ACOXL: variants seen among roughly 807,000 people sequenced by gnomAD.
ACOXL encodes the protein acyl-CoA oxidase like.
ACOXL carries 70 observed loss-of-function variants against 71.9 expected under a neutral mutation model. The ratio of observed to expected loss-of-function variants is 0.97; its 90% CI spans 0.80 to 1.19. ACOXL has a LOEUF of 1.19. ACOXL is among the 50% of genes most tolerant of loss of function. The pLI is 0.00. For missense variants in ACOXL, 703 were observed against 736.3 expected, an observed-to-expected ratio of 0.95 and a Z score of 0.52; for synonymous variants, 253 against 281.6, an observed-to-expected ratio of 0.90 and a Z score of 1.02.
chr2:110,780,860 C>T (rs998786007), intron 2 of ACOXL, among the ~76,000 whole-genome samples: 2 of 151,866 alleles, frequency 1.3e-5, no homozygotes, highest in East Asian at 1.9e-4. Context: ...ATGGTGAGAC[C>T]CTAGTTTCCA....
chr2:110,763,914 A>G (rs895079765), intron 1 of ACOXL, among the ~76,000 whole-genome samples: 5 of 152,226 alleles, frequency 3.3e-5, no homozygotes, highest in African/African-American at 9.6e-5. Flanking sequence ...CAAAGAAGAT[A>G]TATAGCAGGC....
chr2:110,913,376 G>C (rs1436523826), intron 11 of ACOXL, among the ~76,000 whole-genome samples: 1 of 152,106 alleles, frequency 6.6e-6, no homozygotes, highest in East Asian at 1.9e-4. Flanking sequence ...TTGACAAATG[G>C]GTAAACAAAA....
At chr2:110,926,183 T>G (rs973073907) in intron 11 of ACOXL, among the ~76,000 whole-genome samples, 1 of 152,182 alleles carries the variant, frequency 6.6e-6, no homozygotes, top group African/African-American at 2.4e-5. Context: ...TGAAAAAGTT[T>G]GAAATATTGT....
intron 15 of ACOXL, among the ~76,000 whole-genome samples, chr2:111,041,782 T>G (rs936036094): frequency 1.3e-5 from 2 of 152,178 alleles, no homozygotes; most frequent in Non-Finnish European, 2.9e-5. Flanking sequence ...AGCTGTGCCG[T>G]CATCTCTTCC....
chr2:110,760,329 A>G (rs1285909092), intron 1 of ACOXL, among the ~76,000 whole-genome samples: 1 of 151,958 alleles, frequency 6.6e-6, no homozygotes, highest in Non-Finnish European at 1.5e-5. Context: ...CATTTTTAGT[A>G]GAAACGGGGT....
chr2:110,752,710 G>A (rs1316711074), intron 1 of ACOXL, among the ~76,000 whole-genome samples: 1 of 151,792 alleles, frequency 6.6e-6, no homozygotes, highest in East Asian at 1.9e-4. Context: ...TAAGATACTT[G>A]TCATGTCCGT....
At chr2:110,963,611 C>G (rs1248838642) in intron 12 of ACOXL, 2 of 1,610,008 alleles carry the variant, frequency 1.2e-6, no homozygotes, top group Non-Finnish European at 1.7e-6. Context: ...GTGTTTTTCT[C>G]TTTCTGCAAC....
At chr2:111,048,111 T>C (rs76317014) in intron 15 of ACOXL, among the ~76,000 whole-genome samples, 5 of 152,374 alleles carry the variant, frequency 3.3e-5, no homozygotes, top group East Asian at 3.9e-4. Context: ...GGTCAAATCA[T>C]TGGAATCAGA....
chr2:111,113,439 T>C (rs1207301925), intron 17 of ACOXL, among the ~76,000 whole-genome samples: 1 of 152,194 alleles, frequency 6.6e-6, no homozygotes, highest in East Asian at 1.9e-4. Flanking sequence ...TAAAGTGCCA[T>C]ATGTTGCCAC....
Position 110,876,466 on chromosome 2 carries a change from G to A in ACOXL, c.789-32323G>A, listed in dbSNP as rs75377778. ...TGAGGCCCGTCCCTCTGGGAGGGAG[G>A]GAGCAGGCTGGGCAGACGGGCCAGG... On this transcript the variant is annotated intron_variant, in intron 10 of 17. Transcript: ENST00000439055. 2.6e-3 allele frequency among the ~76,000 whole-genome samples: 394 copies of A among 152,312 alleles called. 15 individuals are homozygous for A. The East Asian group carries it at 0.044, about 17-fold the overall frequency.
At chr2:111,019,785 A>G (rs1380084931) in intron 14 of ACOXL, among the ~76,000 whole-genome samples, 1 of 152,226 alleles carries the variant, frequency 6.6e-6, no homozygotes, top group Admixed American at 6.5e-5. Context: ...ACTGCCGTGC[A>G]GTGAGTGGCT....
chr2:110,748,573 G>T (rs1050545620), intron 1 of ACOXL, among the ~76,000 whole-genome samples: 1 of 152,176 alleles, frequency 6.6e-6, no homozygotes, highest in African/African-American at 2.4e-5. Context: ...AGTCTCCCTT[G>T]CTGGTTCAGA....
At chr2:110,980,770 G>T (rs896585174) in intron 12 of ACOXL, among the ~76,000 whole-genome samples, 1 of 152,118 alleles carries the variant, frequency 6.6e-6, no homozygotes, top group Admixed American at 6.6e-5. Context: ...CACCCTGGCC[G>T]CCCAGGCTTC....
chr2:110,737,352 C>T (rs776858931), intron 1 of ACOXL, among the ~76,000 whole-genome samples: 11 of 152,196 alleles, frequency 7.2e-5, no homozygotes, highest in Non-Finnish European at 1.6e-4. Context: ...CTGGCTTACT[C>T]TTATAGAAAA....
intron 14 of ACOXL, among the ~76,000 whole-genome samples, chr2:111,003,550 CAAAAAAAAAAAAAA>C (rs548001377): frequency 3.4e-4 from 12 of 35,330 alleles, no homozygotes; most frequent in Admixed American, 1.8e-3. Flanking sequence ...GACTCTGTCT[CAAAAAAAAAAAAAA>C]AAAAAAAAAA....
intron 16 of ACOXL, among the ~76,000 whole-genome samples, chr2:111,067,230 G>A (rs2067116185): frequency 6.6e-6 from 1 of 151,954 alleles, no homozygotes; most frequent in Admixed American, 6.6e-5. Context: ...TACAAATTTG[G>A]CAGTCTTTTA....
chr2:110,750,594 A>G (rs1678804169), intron 1 of ACOXL, among the ~76,000 whole-genome samples: 2 of 148,660 alleles, frequency 1.3e-5, no homozygotes, highest in Admixed American at 1.3e-4. Context: ...TATACATTAC[A>G]TATTATACAT....
intron 10 of ACOXL, among the ~76,000 whole-genome samples, chr2:110,860,310 C>T (rs1051365105): frequency 1.4e-4 from 22 of 152,272 alleles, no homozygotes; most frequent in African/African-American, 4.6e-4. Flanking sequence ...GAGGTTTCAC[C>T]ATGTTGGCCA....
intron 16 of ACOXL, among the ~76,000 whole-genome samples, chr2:111,051,098 G>A (rs933769903): frequency 3.3e-5 from 5 of 152,104 alleles, no homozygotes; most frequent in East Asian, 1.9e-4. Flanking sequence ...TTATGTGGGC[G>A]TTTTCTCAAT....
Sources: allele counts gnomAD v4.1 joint callset (sites outside exome capture counted in the v4.1 genomes callset), GRCh38; gene constraint gnomAD v4.1.1; transcripts MANE v1.5; gene names NCBI Gene and HGNC (gene_info 2026-07-23, HGNC 2026-07-21).